Variants in ALB observed in about 807,000 individuals in gnomAD.
The protein encoded by ALB is serum albumin.
ALB carries 37 observed loss-of-function variants against 74.5 expected under a neutral mutation model. That is an observed-to-expected ratio of 0.50 (90% CI 0.38 to 0.65). The LOEUF (loss-of-function observed/expected upper bound fraction) is 0.65. Among genes scored for constraint, ALB ranks in the 30% least tolerant of loss-of-function variants. The probability of loss-of-function intolerance (pLI) is 0.00; values close to 1 mark genes in which losing one functional copy is unlikely to be tolerated. For missense variants in ALB, 685 were observed against 718.7 expected (o/e 0.95, Z 0.54); for synonymous variants, 249 against 251.6 (o/e 0.99, Z 0.10).
chr4:73,420,269 G>A lies in ALB; in HGVS notation c.1801G>A (p.Ala601Thr). The A allele has an allele frequency of 3.7e-6, 6 of 1,613,040 alleles. No individual in the cohort carries two copies. The highest frequency in any genetic ancestry group is 4.2e-6 in the Non-Finnish European group (5 of 1,179,346). ...TTGTGTTCAGGGTAAAAAACTTGTT[G>A]CTGCAAGTCAAGCTGCCTTAGGCTT... ...CFAEEGKKLVAASQAALGL is the reference protein window; with the variant it reads ...CFAEEGKKLVTASQAALGL Residue 601 changes from alanine to threonine, a missense_variant, in exon 14 of 15, where the codon GCT becomes ACT. Coordinates refer to ENST00000295897, the MANE Select transcript of ALB (RefSeq NM_000477.7).
At chr4:73,417,821 T>C (rs1191571693) in intron 11 of ALB, 152 bp downstream of exon 11, 1 of 814,818 alleles carries the variant, frequency 1.2e-6, no homozygotes, top group East Asian at 2.7e-5. Context: ...GTATGTGTGA[T>C]ATTGGCAGTC....
intron 6 of ALB, among the ~76,000 whole-genome samples, chr4:73,411,252 C>T (rs1370138472): frequency 6.6e-6 from 1 of 151,852 alleles, no homozygotes; most frequent in Non-Finnish European, 1.5e-5. Flanking sequence ...AAAAAAACAG[C>T]CCCAACATAA....
chr4:73,417,556 G>A lies in ALB; in HGVS notation c.1315G>A (p.Val439Ile). 1 of 1,613,938 alleles carries A rather than the reference G, an allele frequency of 6.2e-7. No homozygotes were observed. The highest frequency in any genetic ancestry group is 1.1e-5 in the South Asian group (1 of 91,074). ...GCTATTAGTTCGTTACACCAAGAAAGTACCCCAAGTGTCAACTCCAACTCT... is the reference window on the plus strand; with the variant it reads ...GCTATTAGTTCGTTACACCAAGAAAATACCCCAAGTGTCAACTCCAACTCT... ...NALLVRYTKK[V>I]PQVSTPTLVE... is the part of the protein sequence containing the mutation. The change falls in exon 11 of 15, where the codon GTA (valine) becomes ATA (isoleucine). Residue 439 changes from valine to isoleucine, a missense_variant. By Grantham distance (29) the Val-to-Ile change is conservative. Coordinates refer to ENST00000295897, the MANE Select transcript of ALB (RefSeq NM_000477.7).
intron 8 of ALB, among the ~76,000 whole-genome samples, chr4:73,414,308 A>C (rs1718960514): frequency 6.6e-6 from 1 of 152,214 alleles, no homozygotes. Context: ...ATCTCTGCCC[A>C]TCTATTTATC....
In ALB at chr4:73,418,155, A is replaced by G; in HGVS notation, c.1496A>G (p.Lys499Arg). The change falls in exon 12 of 15, where the codon AAA becomes AGA. Residue 499 changes from lysine (K) to arginine (R), a missense_variant. Lys to Arg is a conservative substitution (Grantham distance 26, BLOSUM62 2). Transcript: ENST00000295897. Reference sequence around the variant, plus strand: ...ACGCCAGTAAGTGACAGAGTCACCAAATGCTGCACAGAATCCTTGGTGAAC... The same window carrying G: ...ACGCCAGTAAGTGACAGAGTCACCAGATGCTGCACAGAATCCTTGGTGAAC... ...EKTPVSDRVT[K>R]CCTESLVNRR... The G allele has an allele frequency of 1.9e-6, 3 of 1,614,180 alleles. No individual in the cohort carries two copies. Among genetic ancestry groups the G allele is most frequent in the Non-Finnish European group, 2.5e-6 (3 of 1,180,032 alleles).
rs988996508 is a variant in ALB at position 73,414,920 on chromosome 4, A to G, written c.1059-115A>G. ...GTCCTTAGCTACTAAGCTTTACTGCATGGGGTTTAGTCAAATTAAGACTTT... is the reference window on the plus strand; with the variant it reads ...GTCCTTAGCTACTAAGCTTTACTGCGTGGGGTTTAGTCAAATTAAGACTTT... On this transcript the variant is annotated intron_variant, in intron 8 of 14. Transcript: ENST00000295897. The G allele has an allele frequency of 2.5e-5, 33 of 1,319,220 alleles. No homozygotes were observed. In the African/African-American group the frequency reaches 2.6e-4, roughly 10 times the overall value. The allele number at this position is 1,319,220 out of a possible 1,614,324, so 81.7% of individuals were successfully genotyped here.
At position 73,414,970 on chromosome 4, in the gene ALB, T is replaced by G. The variant is rs1482532482; in HGVS notation, c.1059-65T>G. 2.5e-6 allele frequency: 4 copies of G among 1,582,854 alleles called. No homozygotes were observed. The Admixed American group carries it at 5.0e-5, about 20-fold the overall frequency. ...TTGGAATATGAGTTACTTTTGAGAT[T>G]AGCTTTGTGATATTTTTTGTGCTCA... On this transcript the variant is annotated intron_variant, in intron 8 of 14. Coordinates refer to ENST00000295897, the MANE Select transcript of ALB (RefSeq NM_000477.7).
chr4:73,412,850 ACT>A (rs1391983858), intron 7 of ALB, among the ~76,000 whole-genome samples: 1 of 151,952 alleles, frequency 6.6e-6, no homozygotes, highest in Non-Finnish European at 1.5e-5. Flanking sequence ...CCCTTAATTA[ACT>A]CTGTTTGTTA....
intron 5 of ALB, 28 bp downstream of exon 5, chr4:73,409,515 A>T (rs765831928): frequency 6.2e-7 from 1 of 1,613,660 alleles, no homozygotes; most frequent in African/African-American, 1.3e-5. Context: ...AGAAAAAAAG[A>T]GTTCATTATC....
chr4:73,417,918 G>A (rs1246524314), intron 11 of ALB, 170 bp from the exon 12 acceptor site: 8 of 737,366 alleles, frequency 1.1e-5, no homozygotes, highest in South Asian at 1.6e-5. Flanking sequence ...GTGCCATCTC[G>A]GCTCACTGCA....
Position 73,419,581 on chromosome 4 carries a change from C to T in ALB, c.1727C>T (p.Ala576Val). Residue 576 changes from alanine to valine, a missense_variant, in exon 13 of 15, where the codon GCA (alanine) becomes GTA (valine). Coordinates refer to ENST00000295897, the MANE Select transcript of ALB (RefSeq NM_000477.7). ...EQLKAVMDDF[A>V]AFVEKCCKAD... ...CTGAAAGCTGTTATGGATGATTTCG[C>T]AGCTTTTGTAGAGAAGTGCTGCAAG... The T allele has an allele frequency of 1.2e-6, 2 of 1,613,818 alleles. No homozygotes were observed. The highest frequency in any genetic ancestry group is 1.7e-6 in the Non-Finnish European group (2 of 1,179,944).
At position 73,418,192 on chromosome 4, in the gene ALB, C is replaced by T; in HGVS notation, c.1533C>T (p.Cys511=). 6.2e-7 allele frequency: 1 copy of T among 1,614,148 alleles called. No homozygotes were observed. The highest frequency in any genetic ancestry group is 8.5e-7 in the Non-Finnish European group (1 of 1,180,028). ...AATCCTTGGTGAACAGGCGACCATG[C>T]TTTTCAGCTCTGGAAGTCGATGAAA... ...CTESLVNRRP[C]FSALEVDETY... Residue 511 remains cysteine (C), a synonymous_variant, in exon 12 of 15, where the codon TGC becomes TGT. Coordinates refer to ENST00000295897, the MANE Select transcript of ALB (RefSeq NM_000477.7).
In ALB at chr4:73,417,684, A is replaced by C. The variant is rs1419257029; in HGVS notation, c.1428+15A>C. 1.9e-6 allele frequency: 3 copies of C among 1,544,154 alleles called. No homozygotes were observed. Among genetic ancestry groups the C allele is most frequent in the East Asian group, 2.4e-5 (1 of 41,378 alleles). On this transcript the variant is annotated intron_variant, in intron 11 of 14. Coordinates refer to ENST00000295897, the MANE Select transcript of ALB (RefSeq NM_000477.7). Reference sequence around the variant, plus strand: ...CAGAAGACTATGTGAGTCTTTAAAAAAATATAATAAATTAATAATGAAAAA... The same window carrying C: ...CAGAAGACTATGTGAGTCTTTAAAACAATATAATAAATTAATAATGAAAAA...
Position 73,405,161 on chromosome 4 carries a change from AT to A in ALB, c.128del (p.Phe43SerfsTer6), listed in dbSNP as rs758676038. The A allele has an allele frequency of 6.2e-7, 1 of 1,612,756 alleles. No individual in the cohort carries two copies. Among genetic ancestry groups the A allele is most frequent in the Non-Finnish European group, 8.5e-7 (1 of 1,178,898 alleles). On this transcript the variant is annotated frameshift_variant, in exon 2 of 15. Coordinates refer to ENST00000295897, the MANE Select transcript of ALB (RefSeq NM_000477.7). LOFTEE classifies it high-confidence loss of function. ...AHRFKDLGEE[N>X]FKALVLIAFA... is the part of the protein sequence containing the mutation. ...CGGTTTAAAGATTTGGGAGAAGAAAATTTCAAAGCCTTGTAAGTTAAAATAT... is the reference window on the plus strand; with the variant it reads ...CGGTTTAAAGATTTGGGAGAAGAAAATTCAAAGCCTTGTAAGTTAAAATAT...
At chr4:73,420,185 A>T in intron 13 of ALB, 69 bp from the exon 14 acceptor site, 1 of 1,385,212 alleles carries the variant, frequency 7.2e-7, no homozygotes, top group Admixed American at 1.7e-5. Context: ...ATAGCTTCAT[A>T]AATGTTAATT....
At chr4:73,420,055 G>A (rs1421548821) in intron 13 of ALB, among the ~76,000 whole-genome samples, 199 bp from the exon 14 acceptor site, 1 of 152,166 alleles carries the variant, frequency 6.6e-6, no homozygotes, top group Non-Finnish European at 1.5e-5. Flanking sequence ...TTTATGGCCT[G>A]ACAGTAACTT....
Position 73,420,291 on chromosome 4 carries a change from G to C in ALB, c.1823G>C (p.Gly608Ala). The C allele has an allele frequency of 6.2e-7, 1 of 1,611,958 alleles. No homozygotes were observed. ...GTTGCTGCAAGTCAAGCTGCCTTAGGCTTATAACATCACATTTAAAAGCAT... is the reference window on the plus strand; with the variant it reads ...GTTGCTGCAAGTCAAGCTGCCTTAGCCTTATAACATCACATTTAAAAGCAT... ...KLVAASQAAL[G>A]L The change falls in exon 14 of 15, where the codon GGC becomes GCC. Residue 608 changes from glycine (G) to alanine (A), a missense_variant. By Grantham distance (60) the Gly-to-Ala change is moderately conservative. Coordinates refer to ENST00000295897, the MANE Select transcript of ALB (RefSeq NM_000477.7).
At chr4:73,409,060 A>T (rs1262343176) in intron 4 of ALB, 4 of 575,296 alleles carry the variant, frequency 7.0e-6, no homozygotes, top group Non-Finnish European at 9.2e-6. Flanking sequence ...AAATTATTTA[A>T]TGTATTACGA....
chr4:73,413,555 C>A lies in ALB; in HGVS notation c.979C>A (p.Pro327Thr), dbSNP rs1197478979. ...VENDEMPADLPSLAADFVESK... is the reference protein window; with the variant it reads ...VENDEMPADLTSLAADFVESK... ...AAATGATGAGATGCCTGCTGACTTG[C>A]CTTCATTAGCTGCTGATTTTGTTGA... The change falls in exon 8 of 15, where the codon CCT becomes ACT. Residue 327 changes from proline (P) to threonine (T), a missense_variant. By Grantham distance (38) the Pro-to-Thr change is conservative. Coordinates refer to ENST00000295897, the MANE Select transcript of ALB (RefSeq NM_000477.7). The A allele has an allele frequency of 6.2e-7, 1 of 1,614,032 alleles. No homozygotes were observed. Among genetic ancestry groups the A allele is most frequent in the Non-Finnish European group, 8.5e-7 (1 of 1,180,018 alleles).
Sources: gnomAD v4.1 joint callset for allele counts (sites outside exome capture counted in the v4.1 genomes callset) on GRCh38, gnomAD v4.1.1 for gene constraint, MANE v1.5 for transcripts, NCBI Gene and HGNC (gene_info 2026-07-23, HGNC 2026-07-21) for gene names.